CTNNA1: variants seen among roughly 807,000 people sequenced by gnomAD.
CTNNA1 encodes catenin alpha-1.
Under a neutral mutation model 98.4 loss-of-function variants are expected in CTNNA1, and 37 were observed. The observed-to-expected ratio is 0.38, with a 90% confidence interval of 0.29 to 0.49. CTNNA1 has a LOEUF of 0.49. CTNNA1 is among the 20% of genes least tolerant of loss of function. CTNNA1 has a pLI of 0.95. For missense variants in CTNNA1, 761 were observed against 1,147.2 expected (o/e 0.66, Z 4.86); for synonymous variants, 404 against 413.2 (o/e 0.98, Z 0.27).
rs376865156 is a variant in CTNNA1 at position 138,903,101 on chromosome 5, CAT to C, written c.1297-1246_1297-1245del. ...CTTCTTTATGTGACTTTGAAGGACTCATAAACATCAGAGATCTGACTTTCCAG... is the reference window on the plus strand; with the variant it reads ...CTTCTTTATGTGACTTTGAAGGACTCAAACATCAGAGATCTGACTTTCCAG... On this transcript the variant is annotated intron_variant, in intron 9 of 17. Transcript: ENST00000302763. 2.6e-5 allele frequency among the ~76,000 whole-genome samples: 4 copies of C among 152,218 alleles called. No individual in the cohort carries two copies. In the East Asian group the frequency reaches 7.7e-4, roughly 29 times the overall value.
rs187205181 is a variant in CTNNA1, at chr5:138,860,137, A to G, written c.1063-26075A>G. On this transcript the variant is annotated intron_variant, in intron 7 of 17. Coordinates refer to ENST00000302763, the MANE Select transcript of CTNNA1 (RefSeq NM_001903.5). ...CCTCTGATACTGAAATAATTGATGA[A>G]TAAATCAAAATACTGATTATTGTTT... is the stretch of plus-strand genomic sequence containing the variant. Among the ~76,000 whole-genome samples, 271 of 152,324 alleles carry G rather than the reference A, an allele frequency of 1.8e-3. 1 individual carries two copies. Among genetic ancestry groups the G allele is most frequent in the African/African-American group, 5.8e-3 (242 of 41,566 alleles).
chr5:138,793,258 C>G (rs926616278), intron 3 of CTNNA1, among the ~76,000 whole-genome samples: 1 of 152,208 alleles, frequency 6.6e-6, no homozygotes, highest in Non-Finnish European at 1.5e-5. Flanking sequence ...GTCTGCCTGA[C>G]TTAAACTATA....
chr5:138,875,298 A>G, intron 7 of CTNNA1: 12 of 677,756 alleles, frequency 1.8e-5, no homozygotes, highest in Non-Finnish European at 2.0e-5. Flanking sequence ...GCATGAGTGC[A>G]TTTACTGAAA....
At chr5:138,918,949 CTG>C (rs1180097353) in intron 11 of CTNNA1, among the ~76,000 whole-genome samples, 1 of 152,178 alleles carries the variant, frequency 6.6e-6, no homozygotes, top group Non-Finnish European at 1.5e-5. Context: ...ATAAGGGTGA[CTG>C]TGTGTTCTGC....
At chr5:138,809,559 A>G (rs1193298863) in intron 3 of CTNNA1, among the ~76,000 whole-genome samples, 1 of 152,194 alleles carries the variant, frequency 6.6e-6, no homozygotes, top group African/African-American at 2.4e-5. Flanking sequence ...ATTTTCACAT[A>G]CCAGTGAGTC....
chr5:138,921,340 T>G (rs545179837), intron 11 of CTNNA1, among the ~76,000 whole-genome samples: 17 of 152,332 alleles, frequency 1.1e-4, no homozygotes, highest in Admixed American at 1.0e-3. Flanking sequence ...AAGCTCTAAT[T>G]GGGTTTATTA....
At chr5:138,776,890 G>A (rs1265916561) in intron 1 of CTNNA1, among the ~76,000 whole-genome samples, 1 of 130,496 alleles carries the variant, frequency 7.7e-6, no homozygotes, top group Admixed American at 7.4e-5. Flanking sequence ...GCGGCTGGCC[G>A]GGCAGGGGGC....
At chr5:138,841,001 G>C (rs1008161758) in intron 7 of CTNNA1, among the ~76,000 whole-genome samples, 26 of 152,112 alleles carry the variant, frequency 1.7e-4, no homozygotes, top group African/African-American at 6.3e-4. Context: ...TGTCCTTGTC[G>C]GAGACAGGAG....
Position 138,873,824 on chromosome 5 carries a change from CAT to C in CTNNA1, c.1063-12387_1063-12386del. 1 of 1,614,038 alleles carries C rather than the reference CAT, an allele frequency of 6.2e-7. No individual in the cohort carries two copies. Among genetic ancestry groups the C allele is most frequent in the Non-Finnish European group, 8.5e-7 (1 of 1,179,900 alleles). ...AGTGCCCCAGGTCCACTCCATCCCA[CAT>C]GTCAAGTTGCTGATTTTGTTCCATT... On this transcript the variant is annotated intron_variant, in intron 7 of 17. Transcript: ENST00000302763. This position sits in a 1 kb window ranked among gnomAD's most constrained non-coding sequence, Gnocchi z 6.1.
At chr5:138,899,185 G>T (rs925125142) in intron 9 of CTNNA1, among the ~76,000 whole-genome samples, 1 of 151,926 alleles carries the variant, frequency 6.6e-6, no homozygotes, top group African/African-American at 2.4e-5. Context: ...TGCCCAAGAC[G>T]GCTCATTTCC....
Position 138,930,833 on chromosome 5 carries a change from TA to T in CTNNA1, c.2199del (p.Gly734AspfsTer57). Reference sequence around the variant, plus strand: ...TTGTTCTCTTCCCTCTTCTCAGAGGTAAAGGACCACTCAAAAATACATCGGA... The same window carrying T: ...TTGTTCTCTTCCCTCTTCTCAGAGGTAAGGACCACTCAAAAATACATCGGA... ...MMEMTDFTRG[K>X]GPLKNTSDVI... is the part of the protein sequence containing the mutation. On this transcript the variant is annotated frameshift_variant, in exon 16 of 18. Coordinates refer to ENST00000302763, the MANE Select transcript of CTNNA1 (RefSeq NM_001903.5). LOFTEE classifies it high-confidence loss of function. 2 of 1,605,984 alleles carry T rather than the reference TA, an allele frequency of 1.2e-6. No individual in the cohort carries two copies. Among genetic ancestry groups the T allele is most frequent in the Non-Finnish European group, 1.7e-6 (2 of 1,172,588 alleles).
chr5:138,873,454 G>T lies in CTNNA1; in HGVS notation c.1063-12758G>T. On this transcript the variant is annotated intron_variant, in intron 7 of 17. Transcript: ENST00000302763. This position sits in a 1 kb window ranked among gnomAD's most constrained non-coding sequence, Gnocchi z 6.1. ...TTGGATCTCTATAAGTTGTAGCCAT[G>T]ACAGTGACAGTGGTTGACAAATTCC... The T allele has an allele frequency of 6.2e-7, 1 of 1,614,004 alleles. No homozygotes were observed.
At chr5:138,931,598 T>C (rs1004080643) in intron 16 of CTNNA1, 3 of 985,458 alleles carry the variant, frequency 3.0e-6, no homozygotes, top group Non-Finnish European at 3.6e-6. Context: ...ATTGCTTCCA[T>C]TGGCCAAATG....
intron 9 of CTNNA1, among the ~76,000 whole-genome samples, chr5:138,889,007 T>C (rs1388996575): frequency 1.3e-5 from 2 of 152,232 alleles, no homozygotes; most frequent in African/African-American, 4.8e-5. Flanking sequence ...ATTCTGGCAT[T>C]TGAAACTAAA....
intron 11 of CTNNA1, 98 bp downstream of exon 11, chr5:138,917,996 A>T: frequency 8.3e-7 from 1 of 1,204,736 alleles, no homozygotes; most frequent in Non-Finnish European, 1.2e-6. Flanking sequence ...CTTGGCAGGT[A>T]AATTATTCTA....
intron 5 of CTNNA1, among the ~76,000 whole-genome samples, chr5:138,815,636 G>A (rs4835704): frequency 0.74 from 112,944 of 152,076 alleles, 42,206 homozygotes; most frequent in East Asian, 0.99. Flanking sequence ...ACCTATGTAT[G>A]ATAGTATAGT....
At position 138,793,771 on chromosome 5, in the gene CTNNA1, G is replaced by A. The variant is rs536364326; in HGVS notation, c.301+10399G>A. ...CCTCTCTTTGGAGTGTTTCTGAATA[G>A]CAGCAGGGCACACTTGAATTAGTAA... is the stretch of plus-strand genomic sequence containing the variant. On this transcript the variant is annotated intron_variant, in intron 3 of 17. Coordinates refer to ENST00000302763, the MANE Select transcript of CTNNA1 (RefSeq NM_001903.5). Among the ~76,000 whole-genome samples, 17 of 152,270 alleles carry A rather than the reference G, an allele frequency of 1.1e-4. No individual in the cohort carries two copies. Among genetic ancestry groups the A allele is most frequent in the Admixed American group, 2.6e-4 (4 of 15,302 alleles).
chr5:138,821,910 A>T (rs571527899), intron 5 of CTNNA1, among the ~76,000 whole-genome samples: 6 of 152,316 alleles, frequency 3.9e-5, no homozygotes, highest in Non-Finnish European at 8.8e-5. Flanking sequence ...ACTTTTAATC[A>T]TTATTCTTAT....
intron 9 of CTNNA1, among the ~76,000 whole-genome samples, chr5:138,903,680 C>A (rs1758575926): frequency 1.3e-5 from 2 of 152,222 alleles, no homozygotes; most frequent in African/African-American, 4.8e-5. Flanking sequence ...AATTAAGCCG[C>A]ATCAGCCAGG....
Sources: gnomAD v4.1 joint callset for allele counts (sites outside exome capture counted in the v4.1 genomes callset) on GRCh38, gnomAD v4.1.1 for gene constraint, Gnocchi (gnomAD v3.1) non-coding constraint, MANE v1.5 for transcripts, NCBI Gene and HGNC (gene_info 2026-07-23, HGNC 2026-07-21) for gene names.